PDE4D: variants seen among roughly 807,000 people sequenced by gnomAD.
The protein encoded by PDE4D is phosphodiesterase 4D, also known as 3',5'-cyclic-AMP phosphodiesterase 4D.
A neutral mutation model predicts 87.4 loss-of-function variants in PDE4D; 24 were observed. That is an observed-to-expected ratio of 0.27 (90% CI 0.20 to 0.39). The LOEUF (loss-of-function observed/expected upper bound fraction) is 0.39, where lower values mean the gene tolerates loss of function less well. Among genes scored for constraint, PDE4D ranks in the 10% least tolerant of loss-of-function variants. The pLI, the probability that PDE4D is intolerant of heterozygous loss-of-function variation, is 1.00. For missense variants in PDE4D, 714 were observed against 1,041.0 expected (o/e 0.69, Z 4.32); for synonymous variants, 384 against 383.2 (o/e 1.00, Z -0.02).
chr5:59,111,221 T>G (rs1772583928), intron 5 of PDE4D, among the ~76,000 whole-genome samples: 1 of 152,210 alleles, frequency 6.6e-6, no homozygotes, highest in Non-Finnish European at 1.5e-5. Context: ...GAGAAGTGGC[T>G]CGTTCTCTAC....
chr5:59,526,588 C>T (rs1813180117), intron 1 of PDE4D, among the ~76,000 whole-genome samples: 1 of 152,092 alleles, frequency 6.6e-6, no homozygotes, highest in Non-Finnish European at 1.5e-5. Flanking sequence ...GAATGTTGAT[C>T]AACATTTAAA....
intron 1 of PDE4D, among the ~76,000 whole-genome samples, chr5:60,454,251 A>C (rs1375981850): frequency 6.6e-6 from 1 of 152,166 alleles, no homozygotes; most frequent in Non-Finnish European, 1.5e-5. Context: ...TGATTCCTCA[A>C]GGATCTAGAA....
At chr5:59,157,186 G>C (rs1037019850) in intron 5 of PDE4D, 3 of 612,922 alleles carry the variant, frequency 4.9e-6, no homozygotes, top group Non-Finnish European at 5.8e-6. Flanking sequence ...TGAAGGGTTA[G>C]AATTTCCACC....
intron 1 of PDE4D, among the ~76,000 whole-genome samples, chr5:60,247,017 A>G (rs1356354191): frequency 1.3e-5 from 2 of 152,032 alleles, no homozygotes; most frequent in African/African-American, 4.8e-5. Context: ...AATGAGGTAC[A>G]AATCCATAGA....
At chr5:59,150,606 ACT>A (rs1339613503) in intron 5 of PDE4D, among the ~76,000 whole-genome samples, 5 of 152,090 alleles carry the variant, frequency 3.3e-5, no homozygotes, top group African/African-American at 1.2e-4. Flanking sequence ...CACATGGAAG[ACT>A]CTCAAAAAAG....
intron 1 of PDE4D, among the ~76,000 whole-genome samples, chr5:60,509,741 G>T (rs1272256213): frequency 6.6e-6 from 1 of 152,044 alleles, no homozygotes; most frequent in Non-Finnish European, 1.5e-5. Context: ...TTCATACTCT[G>T]TCCTGCTCCA....
At chr5:59,639,936 C>CT (rs111495519) in intron 1 of PDE4D, among the ~76,000 whole-genome samples, 4,664 of 128,082 alleles carry the variant, frequency 0.036, 212 homozygotes, top group African/African-American at 0.11. Context: ...TGTAACAGTT[C>CT]TTTTTTTTTT....
intron 2 of PDE4D, 22 bp downstream of exon 2, chr5:59,215,755 C>G: frequency 6.2e-7 from 1 of 1,608,304 alleles, no homozygotes; most frequent in Non-Finnish European, 8.5e-7. Context: ...TTTTCTCTCT[C>G]TTTGCCTGCC....
intron 1 of PDE4D, among the ~76,000 whole-genome samples, chr5:59,269,414 G>A (rs1307922424): frequency 1.3e-5 from 2 of 152,104 alleles, no homozygotes; most frequent in African/African-American, 4.8e-5. Flanking sequence ...TAACTCTTCT[G>A]TGATATCTCA....
intron 1 of PDE4D, among the ~76,000 whole-genome samples, chr5:60,409,678 T>C (rs1741877128): frequency 6.6e-6 from 1 of 152,244 alleles, no homozygotes; most frequent in Non-Finnish European, 1.5e-5. Context: ...AAGGAGTTAA[T>C]ATTCAGCATC....
intron 1 of PDE4D, among the ~76,000 whole-genome samples, chr5:59,233,786 G>A (rs1323133736): frequency 6.6e-6 from 1 of 152,120 alleles, no homozygotes; most frequent in African/African-American, 2.4e-5. Flanking sequence ...GGGTGATAGA[G>A]TAGGTCATAG....
chr5:60,017,926 G>A lies in PDE4D; in HGVS notation c.43-29209C>T, dbSNP rs377129882. 1.2e-4 allele frequency among the ~76,000 whole-genome samples: 18 copies of A among 152,252 alleles called. No individual in the cohort carries two copies. The South Asian group carries it at 1.2e-3, about 11-fold the overall frequency. ...ACATTCCCAGCCACAGTGTAAAAGC[G>A]TTCCTATTTCTCCACAGCCTCAACA... On this transcript the variant is annotated intron_variant, in intron 2 of 16. Transcript: ENST00000502484.
At chr5:59,906,707 C>A (rs1034645564) in intron 3 of PDE4D, among the ~76,000 whole-genome samples, 1 of 151,918 alleles carries the variant, frequency 6.6e-6, no homozygotes, top group African/African-American at 2.4e-5. Flanking sequence ...AAATGCAAAT[C>A]AAAATCACAA....
At chr5:60,196,205 G>A (rs763108981) in intron 1 of PDE4D, among the ~76,000 whole-genome samples, 1 of 151,468 alleles carries the variant, frequency 6.6e-6, no homozygotes, top group Non-Finnish European at 1.5e-5. Context: ...CTCTTTCAAC[G>A]CTCACCTTGA....
chr5:59,769,065 T>C (rs1008918188), intron 1 of PDE4D, among the ~76,000 whole-genome samples: 1 of 145,954 alleles, frequency 6.9e-6, no homozygotes, highest in Non-Finnish European at 1.5e-5. Context: ...CAATCCTTTG[T>C]TTTTTTCTCT....
intron 2 of PDE4D, among the ~76,000 whole-genome samples, chr5:59,200,789 T>C (rs1747158876): frequency 6.6e-6 from 1 of 151,642 alleles, no homozygotes; most frequent in African/African-American, 2.4e-5. Context: ...CTTTGGGAGA[T>C]ATAGAACAAC....
intron 1 of PDE4D, among the ~76,000 whole-genome samples, chr5:59,411,063 T>C (rs979169416): frequency 3.3e-5 from 5 of 152,184 alleles, no homozygotes; most frequent in African/African-American, 1.2e-4. Context: ...GGCACTGGTC[T>C]CCTAGCTGAG....
At chr5:59,808,988 G>T (rs1010953467) in intron 1 of PDE4D, among the ~76,000 whole-genome samples, 13 of 151,912 alleles carry the variant, frequency 8.6e-5, no homozygotes, top group Non-Finnish European at 2.9e-5. Flanking sequence ...TCTTTTTTTT[G>T]GCAGGGGGGC....
At chr5:59,891,034 G>C (rs1384785128) in intron 1 of PDE4D, among the ~76,000 whole-genome samples, 1 of 152,168 alleles carries the variant, frequency 6.6e-6, no homozygotes, top group Non-Finnish European at 1.5e-5. Flanking sequence ...GAATATGCAA[G>C]TATTGTAAAG....
Sources: allele counts gnomAD v4.1 joint callset (sites outside exome capture counted in the v4.1 genomes callset), GRCh38; gene constraint gnomAD v4.1.1; transcripts MANE v1.5; gene names NCBI Gene and HGNC (gene_info 2026-07-23, HGNC 2026-07-21).